The following MYH6 variants were observed in gnomAD, a reference collection of about 807,000 sequenced individuals.
MYH6 encodes myosin heavy chain 6, also known as myosin-6.
MYH6 carries 126 observed loss-of-function variants against 223.2 expected under a neutral mutation model. The ratio of observed to expected loss-of-function variants is 0.56; its 90% CI spans 0.49 to 0.65. The LOEUF (loss-of-function observed/expected upper bound fraction) is 0.65, where lower values mean the gene tolerates loss of function less well. MYH6 is among the 30% of genes least tolerant of loss of function. The probability of loss-of-function intolerance (pLI) is 0.00; values close to 1 mark genes in which losing one functional copy is unlikely to be tolerated. For missense variants in MYH6, 2,040 were observed against 2,536.4 expected, an observed-to-expected ratio of 0.80 and a Z score of 4.20; for synonymous variants, 978 against 1,010.2, an observed-to-expected ratio of 0.97 and a Z score of 0.61.
At position 23,397,181 on chromosome 14, in the gene MYH6, C is replaced by T. The variant is rs551746815; in HGVS notation, c.2039G>A (p.Arg680Gln). The T allele has an allele frequency of 1.2e-5, 20 of 1,614,206 alleles. No individual in the cohort carries two copies. The highest frequency in any genetic ancestry group is 1.0e-4 in the Admixed American group (6 of 60,032). ...TTCTCCTGGCTCACCTGGAGCCTTC[C>T]GCTCATTGGGGATGATGCAACGCAC... ...HFVRCIIPNERKAPGVMDNPL... is the reference protein window; with the variant it reads ...HFVRCIIPNEQKAPGVMDNPL... The change falls in exon 17 of 39, where the codon CGG becomes CAG. Residue 680 changes from arginine (R) to glutamine (Q), a missense_variant. By Grantham distance (43) the Arg-to-Gln change is conservative. Coordinates refer to ENST00000405093, the MANE Select transcript of MYH6 (RefSeq NM_002471.4).
At position 23,404,354 on chromosome 14, in the gene MYH6, G is replaced by C. The variant is rs1891708365; in HGVS notation, c.677C>G (p.Pro226Arg). The part of the protein sequence containing the change: ...TLEDQIIQAN[P>R]ALEAFGNAKT... ...GGCATTGCCGAAGGCCTCCAGAGCG[G>C]GGTTGGCCTGGATGATCTGGTCCTC... The change falls in exon 8 of 39, where the codon CCC becomes CGC. Residue 226 changes from proline to arginine, a missense_variant. By Grantham distance (103) the Pro-to-Arg change is moderately radical (BLOSUM62 -2). Transcript: ENST00000405093. The C allele has an allele frequency of 6.2e-7, 1 of 1,614,234 alleles. No homozygotes were observed. Among genetic ancestry groups the C allele is most frequent in the Non-Finnish European group, 8.5e-7 (1 of 1,180,024 alleles).
chr14:23,383,339 G>GGGGGGGGGGGCCCCCCCC lies in MYH6; in HGVS notation c.5566-20_5566-19insGGGGGGGGCCCCCCCCCC. ...CCTCTGTCTGGGGGTGGGAGGGTGG[G>GGGGGGGGGGGCCCCCCCC]AGAAGCTGGTTTGGAGGGGGAGCAA... is the stretch of plus-strand genomic sequence containing the variant. On this transcript the variant is annotated intron_variant, in intron 36 of 38. Coordinates refer to ENST00000405093, the MANE Select transcript of MYH6 (RefSeq NM_002471.4). 1.8e-5 allele frequency: 2 copies of GGGGGGGGGGGCCCCCCCC among 108,154 alleles called. No homozygotes were observed. The highest frequency in any genetic ancestry group is 3.7e-5 in the Non-Finnish European group (2 of 54,354). 6.7% of individuals were successfully genotyped at this position (108,154 alleles called of 1,614,324 possible).
At chr14:23,389,742 G>C (rs1207753626) in intron 26 of MYH6, 23 bp from the exon 27 acceptor site, 1 of 1,614,190 alleles carries the variant, frequency 6.2e-7, no homozygotes, top group African/African-American at 1.3e-5. Context: ...AGACAGGAAG[G>C]GTGAGTGTGG....
At chr14:23,400,154 G>T in intron 14 of MYH6, 102 bp downstream of exon 14, 1 of 1,565,464 alleles carries the variant, frequency 6.4e-7, no homozygotes, top group East Asian at 2.3e-5. Flanking sequence ...AGAAAGGCCT[G>T]GGATTCTTGG....
chr14:23,402,706 C>A lies in MYH6; in HGVS notation c.993G>T (p.Met331Ile). 1 of 1,613,628 alleles carries A rather than the reference C, an allele frequency of 6.2e-7. No homozygotes were observed. Among genetic ancestry groups the A allele is most frequent in the South Asian group, 1.1e-5 (1 of 91,044 alleles). ...CAGCCCCCTCACTCACATCGGTGGC[C>A]ATGAGCTCCTCGGAGTCATCAATGG... is the stretch of plus-strand genomic sequence containing the variant. ...VASIDDSEEL[M>I]ATDSAFDVLG... Residue 331 changes from methionine to isoleucine, a missense_variant, in exon 11 of 39, where the codon ATG becomes ATT. Physicochemically the swap from Met to Ile is conservative, Grantham distance 10 (BLOSUM62 1). This residue lies in a region of MYH6 where 649 missense variants were observed against 877.3 expected (regional missense o/e 0.74). Coordinates refer to ENST00000405093, the MANE Select transcript of MYH6 (RefSeq NM_002471.4).
intron 32 of MYH6, 40 bp downstream of exon 32, chr14:23,387,489 G>A: frequency 1.2e-6 from 2 of 1,609,728 alleles, no homozygotes; most frequent in Non-Finnish European, 1.7e-6. Context: ...GGAGACAGCG[G>A]CAGAACAGGG....
At position 23,383,325 on chromosome 14, in the gene MYH6, G is replaced by A. The variant is rs753364388; in HGVS notation, c.5566-5C>T. 2.3e-6 allele frequency: 3 copies of A among 1,321,056 alleles called. No homozygotes were observed. Among genetic ancestry groups the A allele is most frequent in the East Asian group, 2.5e-5 (1 of 39,808 alleles). The allele number at this position is 1,321,056 out of a possible 1,614,324, so 81.8% of individuals were successfully genotyped here. Reference sequence around the variant, plus strand: ...GTTCTTTTTGTCTTCCTCTGTCTGGGGGTGGGAGGGTGGGAGAAGCTGGTT... The same window carrying A: ...GTTCTTTTTGTCTTCCTCTGTCTGGAGGTGGGAGGGTGGGAGAAGCTGGTT... On this transcript the variant is annotated splice_polypyrimidine_tract_variant and splice_region_variant and intron_variant, in intron 36 of 38. Transcript: ENST00000405093.
intron 15 of MYH6, among the ~76,000 whole-genome samples, chr14:23,398,108 C>T (rs572646698): frequency 3.3e-4 from 50 of 151,824 alleles, no homozygotes; most frequent in African/African-American, 1.2e-3. Context: ...ACCTCCGTCG[C>T]CCGGATTCAA....
At position 23,383,336 on chromosome 14, in the gene MYH6, T is replaced by TGGGGGGGGG; in HGVS notation, c.5566-17_5566-16insCCCCCCCCC. 2.1e-5 allele frequency: 1 copy of TGGGGGGGGG among 48,164 alleles called. No individual in the cohort carries two copies. The highest frequency in any genetic ancestry group is 3.9e-5 in the Non-Finnish European group (1 of 25,436). The allele number at this position is 48,164 out of a possible 1,614,324, so 3.0% of individuals were successfully genotyped here. A position where few individuals can be genotyped will look rare whatever the true frequency, so the allele number is the denominator to read the frequency against. On this transcript the variant is annotated splice_polypyrimidine_tract_variant and intron_variant, in intron 36 of 38. Transcript: ENST00000405093. ...CTTCCTCTGTCTGGGGGTGGGAGGG[T>TGGGGGGGGG]GGGAGAAGCTGGTTTGGAGGGGGAG...
At position 23,400,278 on chromosome 14, in the gene MYH6, G is replaced by T; in HGVS notation, c.1559C>A (p.Ala520Asp). The part of the protein sequence containing the change: ...TFIDFGMDLQ[A>D]CIDLIEKPMG... ...CACCTTCTCGATGAGGTCAATGCAG[G>T]CCTGCAGGTCCATGCCAAAGTCAAT... Residue 520 changes from alanine to aspartate, a missense_variant, in exon 14 of 39, where the codon GCC (alanine) becomes GAC (aspartate). By Grantham distance (126) the Ala-to-Asp change is moderately radical. Coordinates refer to ENST00000405093, the MANE Select transcript of MYH6 (RefSeq NM_002471.4). 6.2e-7 allele frequency: 1 copy of T among 1,614,238 alleles called. No homozygotes were observed.
At chr14:23,401,964 T>C (rs942794403) in intron 12 of MYH6, among the ~76,000 whole-genome samples, 2 of 152,190 alleles carry the variant, frequency 1.3e-5, no homozygotes, top group East Asian at 3.9e-4. Flanking sequence ...TGGGCACCTG[T>C]CTAGCACTGT....
chr14:23,398,023 T>TCTTCTTCTTCTTCTA (rs1595059955), intron 15 of MYH6, among the ~76,000 whole-genome samples: 1 of 143,886 alleles, frequency 6.9e-6, no homozygotes, highest in East Asian at 2.0e-4. Context: ...TTCTTCTTCT[T>TCTTCTTCTTCTTCTA]CCTTCTATTT....
chr14:23,384,895 G>A (rs577643091), intron 35 of MYH6, 21 bp downstream of exon 35: 33 of 1,613,534 alleles, frequency 2.0e-5, no homozygotes, highest in African/African-American at 1.2e-4. Context: ...TAGGGGAGGC[G>A]GAAGGTGGGC....
At position 23,400,963 on chromosome 14, in the gene MYH6, C is replaced by T. The variant is rs146468868; in HGVS notation, c.1156G>A (p.Ala386Thr). 1.5e-5 allele frequency: 25 copies of T among 1,614,020 alleles called. No individual in the cohort carries two copies. The African/African-American group carries it at 2.7e-4, about 17-fold the overall frequency. The change falls in exon 13 of 39, where the codon GCC (alanine) becomes ACC (threonine). Residue 386 changes from alanine to threonine, a missense_variant. By Grantham distance (58) the Ala-to-Thr change is moderately conservative. Around this residue, in one of 4 missense-constraint regions of MYH6, gnomAD observed 649 missense variants for 877.3 expected, o/e 0.74. Transcript: ENST00000405093. ...GCTGAGTTCAGCCCCATGAGGTAGG[C>T]CGACTTGTCAGCATCTGGTTGAGAG... The part of the protein sequence containing the change: ...PDGTEDADKS[A>T]YLMGLNSADL...
chr14:23,395,374 C>T (rs922757458), intron 20 of MYH6, among the ~76,000 whole-genome samples: 5 of 152,174 alleles, frequency 3.3e-5, no homozygotes, highest in African/African-American at 1.2e-4. Context: ...TACTATTTAC[C>T]CATTCCCCTG....
rs1891837248 is a variant in MYH6 at position 23,407,866 on chromosome 14, T to C, written c.-46-258A>G. On this transcript the variant is annotated intron_variant, in intron 1 of 38. Transcript: ENST00000405093. This position sits in a 1 kb window ranked among gnomAD's most constrained non-coding sequence, Gnocchi z 5.6. ...AGAGAGGCAGGGAGGTGAGAACACG[T>C]GCCAAGAAGGAAGGACAAGGGAGAG... Among the ~76,000 whole-genome samples the C allele has an allele frequency of 6.6e-6, 1 of 151,796 alleles. No homozygotes were observed. The highest frequency in any genetic ancestry group is 1.9e-4 in the East Asian group (1 of 5,166).
Position 23,393,536 on chromosome 14 carries a change from ATCCCCTTTAGGG to A in MYH6, c.2929-30_2929-19del, listed in dbSNP as rs1201058903. The A allele has an allele frequency of 5.6e-6, 9 of 1,613,838 alleles. No individual in the cohort carries two copies. In the East Asian group the frequency reaches 2.0e-4, roughly 36 times the overall value. On this transcript the variant is annotated intron_variant, in intron 22 of 38. Transcript: ENST00000405093. ...TTCTTCACCTGCCGACCAAAAACCCATCCCCTTTAGGGTCAAAGATCACCAGCCTGGAGACAT... is the reference window on the plus strand; with the variant it reads ...TTCTTCACCTGCCGACCAAAAACCCATCAAAGATCACCAGCCTGGAGACAT...
In MYH6 at chr14:23,393,460, T is replaced by C. The variant is rs1191805240; in HGVS notation, c.2987A>G (p.Lys996Arg). The C allele has an allele frequency of 1.2e-6, 2 of 1,614,176 alleles. No individual in the cohort carries two copies. Among genetic ancestry groups the C allele is most frequent in the South Asian group, 1.1e-5 (1 of 91,088 alleles). The change falls in exon 23 of 39, where the codon AAG becomes AGG. Residue 996 changes from lysine (K) to arginine (R), a missense_variant. Lys to Arg is a conservative substitution (Grantham distance 26, BLOSUM62 2). Around this residue, in one of 4 missense-constraint regions of MYH6, gnomAD observed 1,203 missense variants for 1,400.2 expected, o/e 0.86. Transcript: ENST00000405093. Reference sequence around the variant, plus strand: ...GGCCTCTTGTAGAGCTTTCTTCTCCTTGGTCAGCTTAGCGATGATTTCATC... The same window carrying C: ...GGCCTCTTGTAGAGCTTTCTTCTCCCTGGTCAGCTTAGCGATGATTTCATC... ...GLDEIIAKLT[K>R]EKKALQEAHQ...
At position 23,384,694 on chromosome 14, in the gene MYH6, C is replaced by A; in HGVS notation, c.5313G>T (p.Leu1771=). The A allele has an allele frequency of 6.2e-7, 1 of 1,614,242 alleles. No individual in the cohort carries two copies. The highest frequency in any genetic ancestry group is 1.7e-5 in the Admixed American group (1 of 60,034). ...GGGCGCTGGTGTCCTGCTCCTTCTT[C>A]AGCTCCTCTGCCATCATGGCGGCCT... ...ITDAAMMAEE[L]KKEQDTSAHL... Residue 1771 remains leucine, a synonymous_variant, in exon 36 of 39, where the codon CTG becomes CTT. Coordinates refer to ENST00000405093, the MANE Select transcript of MYH6 (RefSeq NM_002471.4).
Sources: gnomAD v4.1 joint callset for allele counts (sites outside exome capture counted in the v4.1 genomes callset) on GRCh38, gnomAD v4.1.1 for gene constraint, gnomAD v4.1.1 regional missense constraint, Gnocchi (gnomAD v3.1) non-coding constraint, MANE v1.5 for transcripts, NCBI Gene and HGNC (gene_info 2026-07-23, HGNC 2026-07-21) for gene names.